MAP7: variants seen among roughly 807,000 people sequenced by gnomAD.
MAP7 encodes the protein ensconsin.
Under a neutral mutation model 94.8 loss-of-function variants are expected in MAP7, and 52 were observed. The observed-to-expected ratio is 0.55, with a 90% CI of 0.44 to 0.69. The LOEUF (loss-of-function observed/expected upper bound fraction) is 0.69. MAP7 is among the 30% of genes least tolerant of loss of function. The pLI, the probability that MAP7 is intolerant of heterozygous loss-of-function variation, is 0.00. For missense variants in MAP7, 940 were observed against 964.6 expected, an observed-to-expected ratio of 0.97 and a Z score of 0.34; for synonymous variants, 350 against 357.0, an observed-to-expected ratio of 0.98 and a Z score of 0.22.
chr6:136,526,900 A>G (rs1402165245), intron 1 of MAP7, among the ~76,000 whole-genome samples: 1 of 152,126 alleles, frequency 6.6e-6, no homozygotes, highest in Non-Finnish European at 1.5e-5. Context: ...ACCAGTCATG[A>G]GGGCCACCAG....
intron 7 of MAP7, among the ~76,000 whole-genome samples, chr6:136,373,594 G>T (rs931657679): frequency 1.3e-5 from 2 of 152,210 alleles, no homozygotes; most frequent in Admixed American, 6.5e-5. Flanking sequence ...TCAAAAGTGT[G>T]AGTATTCAGG....
intron 1 of MAP7, among the ~76,000 whole-genome samples, chr6:136,514,367 C>T (rs755856213): frequency 6.6e-6 from 1 of 151,944 alleles, no homozygotes; most frequent in Non-Finnish European, 1.5e-5. Context: ...AGCAGATCAC[C>T]TGAGGTCAGG....
chr6:136,388,510 C>T lies in MAP7; in HGVS notation c.409G>A (p.Glu137Lys). 1 of 1,612,636 alleles carries T rather than the reference C, an allele frequency of 6.2e-7. No individual in the cohort carries two copies. Among genetic ancestry groups the T allele is most frequent in the Non-Finnish European group, 8.5e-7 (1 of 1,178,770 alleles). ...KRRQRLEEDK[E>K]RHEAVVRRTM... The stretch of plus-strand genomic sequence containing the variant: ...CGCCGTACAACAGCTTCGTGGCGTT[C>T]CTTAGATGGAATAGAAGAGCTGAGG... The change falls in exon 5 of 18, where the codon GAA becomes AAA. Residue 137 changes from glutamate (E) to lysine (K), a missense_variant and splice_region_variant. By Grantham distance (56) the Glu-to-Lys change is moderately conservative. Coordinates refer to ENST00000354570, the MANE Select transcript of MAP7 (RefSeq NM_003980.6).
intron 3 of MAP7, among the ~76,000 whole-genome samples, chr6:136,393,532 C>T (rs1007467584): frequency 6.6e-6 from 1 of 152,170 alleles, no homozygotes; most frequent in Non-Finnish European, 1.5e-5. Flanking sequence ...TGGAGAAACG[C>T]TGTACTCTAA....
At chr6:136,514,501 G>A (rs1053480319) in intron 1 of MAP7, among the ~76,000 whole-genome samples, 1 of 141,772 alleles carries the variant, frequency 7.1e-6, no homozygotes. Flanking sequence ...CAGGAGAATA[G>A]CTTGAACCCA....
rs563738953 is a variant in MAP7, at chr6:136,360,912, G to A, written c.1701+93C>T. On this transcript the variant is annotated intron_variant, in intron 12 of 17. Transcript: ENST00000354570. ...CGGATGGAGAAGGTGTGGAAAGCGG[G>A]AGCACCAGCAGTCCAGTCCGCACCC... 8.7e-5 allele frequency: 134 copies of A among 1,546,248 alleles called. 3 individuals are homozygous for A. The South Asian group carries it at 8.9e-4, about 10-fold the overall frequency.
chr6:136,439,794 G>C (rs952705154), intron 1 of MAP7, among the ~76,000 whole-genome samples: 3 of 151,736 alleles, frequency 2.0e-5, no homozygotes, highest in Non-Finnish European at 2.9e-5. Flanking sequence ...TTTCCTTTAA[G>C]AGTAAAGGCC....
In MAP7 at chr6:136,485,555, A is replaced by ATTTTTTTTT. The variant is rs747333121; in HGVS notation, c.68-63765_68-63757dup. 5.6e-4 allele frequency among the ~76,000 whole-genome samples: 55 copies of ATTTTTTTTT among 98,132 alleles called. 1 individual carries two copies. The highest frequency in any genetic ancestry group is 1.2e-3 in the African/African-American group (28 of 22,412). 64.4% of individuals were successfully genotyped at this position (98,132 alleles called of 152,430 possible). A position where few individuals can be genotyped will look rare whatever the true frequency, so the allele number is the denominator to read the frequency against. On this transcript the variant is annotated intron_variant, in intron 1 of 17. Transcript: ENST00000354570. Reference sequence around the variant, plus strand: ...GACTTAATGATCAATTCCACTTCAGATTTTTTTTTTTTTTTTTTTTTTTTT... The same window carrying ATTTTTTTTT: ...GACTTAATGATCAATTCCACTTCAGATTTTTTTTTTTTTTTTTTTTTTTTTTTTTTTTTT...
intron 13 of MAP7, 118 bp downstream of exon 13, chr6:136,360,579 G>T: frequency 1.3e-6 from 1 of 785,362 alleles, no homozygotes; most frequent in Non-Finnish European, 2.1e-6. Flanking sequence ...TTATCACTGA[G>T]GGGGCTACTA....
rs372952762 is a variant in MAP7, at chr6:136,365,898, G to A, written c.1110C>T (p.Arg370=). The A allele has an allele frequency of 2.3e-5, 37 of 1,614,026 alleles. 1 individual carries two copies. Among genetic ancestry groups the A allele is most frequent in the Non-Finnish European group, 2.5e-6 (3 of 1,180,052 alleles). The part of the protein sequence containing the change: ...QVRPPSPGNI[R]PVKREVKVEP... Reference sequence around the variant, plus strand: ...CCACTTTGACTTCCCTCTTGACAGGGCGGATGTTGCCGGGGGATGGGGGCC... The same window carrying A: ...CCACTTTGACTTCCCTCTTGACAGGACGGATGTTGCCGGGGGATGGGGGCC... The change falls in exon 10 of 18, where the codon CGC becomes CGT. Residue 370 remains arginine, a synonymous_variant. Coordinates refer to ENST00000354570, the MANE Select transcript of MAP7 (RefSeq NM_003980.6).
chr6:136,489,056 G>A (rs930506519), intron 1 of MAP7, among the ~76,000 whole-genome samples: 4 of 151,878 alleles, frequency 2.6e-5, no homozygotes, highest in East Asian at 1.9e-4. Flanking sequence ...ATCCAGCTCC[G>A]ATTTCTGGTT....
Position 136,456,849 on chromosome 6 carries a change from G to GAGGAAGAA in MAP7, c.68-35051_68-35050insTTCTTCCT, listed in dbSNP as rs1562422597. Among the ~76,000 whole-genome samples the GAGGAAGAA allele has an allele frequency of 1.9e-4, 14 of 72,462 alleles. 1 individual carries two copies. The highest frequency in any genetic ancestry group is 7.0e-4 in the African/African-American group (13 of 18,524). 47.5% of individuals were successfully genotyped at this position (72,462 alleles called of 152,430 possible). Reference sequence around the variant, plus strand: ...AAGAAGAAGAAGAAGAAGAAGAAGAGGAAGAAGAAGAAGAAGAAGAAGAAA... The same window carrying GAGGAAGAA: ...AAGAAGAAGAAGAAGAAGAAGAAGAGAGGAAGAAGAAGAAGAAGAAGAAGAAGAAGAAA... On this transcript the variant is annotated intron_variant, in intron 1 of 17. Coordinates refer to ENST00000354570, the MANE Select transcript of MAP7 (RefSeq NM_003980.6).
intron 3 of MAP7, among the ~76,000 whole-genome samples, chr6:136,410,573 A>G (rs1787130654): frequency 6.6e-6 from 1 of 152,280 alleles, no homozygotes; most frequent in African/African-American, 2.4e-5. Flanking sequence ...GTTCACTTCC[A>G]GTAAGCAAAT....
At chr6:136,397,106 C>A (rs1782689493) in intron 3 of MAP7, among the ~76,000 whole-genome samples, 1 of 152,106 alleles carries the variant, frequency 6.6e-6, no homozygotes, top group African/African-American at 2.4e-5. Context: ...AGTCACACAG[C>A]AAATAGGCAA....
chr6:136,362,714 G>A lies in MAP7; in HGVS notation c.1274-12C>T. The A allele has an allele frequency of 1.3e-6, 2 of 1,545,796 alleles. No individual in the cohort carries two copies. The highest frequency in any genetic ancestry group is 1.2e-5 in the South Asian group (1 of 81,850). ...CATGGCTGGAGCAGCTGCACAAATA[G>A]GTACAAGGAGAAAACCAGTTGGAAA... On this transcript the variant is annotated splice_polypyrimidine_tract_variant and intron_variant, in intron 10 of 17. Transcript: ENST00000354570.
At chr6:136,488,444 CTT>C (rs1262255093) in intron 1 of MAP7, among the ~76,000 whole-genome samples, 24 of 133,378 alleles carry the variant, frequency 1.8e-4, no homozygotes, top group East Asian at 6.5e-4. Flanking sequence ...ATGCTAGGTA[CTT>C]TTTTTTTTTT....
intron 15 of MAP7, among the ~76,000 whole-genome samples, chr6:136,357,741 C>T (rs1364260488): frequency 6.6e-6 from 1 of 152,226 alleles, no homozygotes; most frequent in Admixed American, 6.5e-5. Context: ...GATCCTCCTG[C>T]CTCAGCCTCC....
intron 3 of MAP7, among the ~76,000 whole-genome samples, chr6:136,393,232 A>G (rs565305371): frequency 5.3e-5 from 8 of 152,130 alleles, no homozygotes; most frequent in African/African-American, 1.9e-4. Context: ...TGCACCTCCC[A>G]TCAAACCATG....
At chr6:136,411,403 A>G (rs1178633682) in intron 3 of MAP7, among the ~76,000 whole-genome samples, 1 of 152,198 alleles carries the variant, frequency 6.6e-6, no homozygotes, top group Non-Finnish European at 1.5e-5. Context: ...CTTTCCCTCC[A>G]GTGCCACATT....
Sources: allele counts gnomAD v4.1 joint callset (sites outside exome capture counted in the v4.1 genomes callset), GRCh38; gene constraint gnomAD v4.1.1; transcripts MANE v1.5; gene names NCBI Gene and HGNC (gene_info 2026-07-23, HGNC 2026-07-21).